The following PPEF2 variants were observed in gnomAD, a reference collection of about 807,000 sequenced individuals.
The protein encoded by PPEF2 is protein phosphatase with EF-hand domain 2, also known as serine/threonine-protein phosphatase with EF-hands 2.
Under a neutral mutation model 84.7 loss-of-function variants are expected in PPEF2, and 84 were observed. That is an observed-to-expected ratio of 0.99 (90% CI 0.83 to 1.19). The LOEUF is 1.19. Among genes scored for constraint, PPEF2 ranks in the 50% most tolerant of loss-of-function variants. The pLI is 0.00. For missense variants in PPEF2, 924 were observed against 937.5 expected, an observed-to-expected ratio of 0.99 and a Z score of 0.19; for synonymous variants, 346 against 345.2, an observed-to-expected ratio of 1.00 and a Z score of -0.03.
chr4:75,893,953 G>C (rs1258095470), intron 2 of PPEF2, among the ~76,000 whole-genome samples: 1 of 152,124 alleles, frequency 6.6e-6, no homozygotes, highest in African/African-American at 2.4e-5. Flanking sequence ...GGAAGTGCAG[G>C]ATCTTTTAAT....
rs747828589 is a variant in PPEF2, at chr4:75,884,761, CT to C, written c.580-2del. The stretch of plus-strand genomic sequence containing the variant: ...ACCGTTCTGGCGACGGGAGGCCATT[CT>C]TTTCAACAAGGAGACCAGTGAAAGA... On this transcript the variant is annotated splice_acceptor_variant, in intron 7 of 16. Coordinates refer to ENST00000286719, the MANE Select transcript of PPEF2 (RefSeq NM_006239.3). LOFTEE classifies it high-confidence loss of function. 2.5e-6 allele frequency: 4 copies of C among 1,574,670 alleles called. No individual in the cohort carries two copies. The South Asian group carries it at 4.7e-5, about 19-fold the overall frequency.
intron 15 of PPEF2, among the ~76,000 whole-genome samples, chr4:75,865,126 G>A (rs1047549734): frequency 9.2e-5 from 14 of 152,120 alleles, no homozygotes; most frequent in African/African-American, 2.9e-4. Context: ...TAGTAGAGAC[G>A]GGGTTTCTCC....
Position 75,873,293 on chromosome 4 carries a change from C to T in PPEF2, c.1340G>A (p.Ser447Asn). Reference sequence around the variant, plus strand: ...GCAGCCCTCTTGAGCCATGGGATCACTCCACAGGATATCTACAACCTGAGA... The same window carrying T: ...GCAGCCCTCTTGAGCCATGGGATCATTCCACAGGATATCTACAACCTGAGA... ...EWRQVVDILW[S>N]DPMAQEGCKA... Residue 447 changes from serine to asparagine, a missense_variant, in exon 12 of 17, where the codon AGT becomes AAT. Physicochemically the swap from Ser to Asn is conservative, Grantham distance 46. Transcript: ENST00000286719. 1 of 1,613,380 alleles carries T rather than the reference C, an allele frequency of 6.2e-7. No individual in the cohort carries two copies. The highest frequency in any genetic ancestry group is 1.1e-5 in the South Asian group (1 of 90,920).
intron 5 of PPEF2, 61 bp from the exon 6 acceptor site, chr4:75,888,389 TCCTTA>T: frequency 7.7e-7 from 1 of 1,300,596 alleles, no homozygotes. Context: ...GGGAAAATGG[TCCTTA>T]CCTTTACTGC....
intron 10 of PPEF2, among the ~76,000 whole-genome samples, chr4:75,880,504 C>T (rs1422765715): frequency 6.6e-6 from 1 of 152,208 alleles, no homozygotes; most frequent in Non-Finnish European, 1.5e-5. Context: ...AGAAAATAAA[C>T]TTTTCGTTAG....
intron 16 of PPEF2, among the ~76,000 whole-genome samples, chr4:75,861,688 C>T (rs1199047525): frequency 7.4e-6 from 1 of 135,796 alleles, no homozygotes; most frequent in East Asian, 3.0e-4. Flanking sequence ...CAGCTCACTA[C>T]AAGCTCTGCC....
At chr4:75,869,317 T>G (rs909046901) in intron 13 of PPEF2, among the ~76,000 whole-genome samples, 2 of 152,130 alleles carry the variant, frequency 1.3e-5, no homozygotes, top group African/African-American at 4.8e-5. Flanking sequence ...AATGCAGAGC[T>G]CTACATGGAT....
chr4:75,865,752 G>A (rs1724112145), intron 15 of PPEF2, among the ~76,000 whole-genome samples: 1 of 152,198 alleles, frequency 6.6e-6, no homozygotes, highest in Non-Finnish European at 1.5e-5. Context: ...ACTGTTAAAA[G>A]AAGTACCTAG....
chr4:75,867,398 C>A lies in PPEF2; in HGVS notation c.1671G>T (p.Ser557=). ...MRQRISRVEE[S]ALRALREKLF... ...GCTTCTCCCTCAGAGCTCTCAGAGC[C>A]GACTCCTCCACTCTGCTAATCCTGG... The change falls in exon 14 of 17, where the codon TCG becomes TCT. Residue 557 remains serine, a synonymous_variant. Transcript: ENST00000286719. 1 of 1,613,692 alleles carries A rather than the reference C, an allele frequency of 6.2e-7. No homozygotes were observed. Among genetic ancestry groups the A allele is most frequent in the Non-Finnish European group, 8.5e-7 (1 of 1,179,732 alleles).
At chr4:75,893,485 C>G (rs1172561997) in intron 2 of PPEF2, among the ~76,000 whole-genome samples, 1 of 89,778 alleles carries the variant, frequency 1.1e-5, no homozygotes, top group Non-Finnish European at 2.1e-5. Flanking sequence ...GCTAGAGACT[C>G]TGACACACAC....
Position 75,890,085 on chromosome 4 carries a change from A to T in PPEF2, c.289T>A (p.Ser97Thr), listed in dbSNP as rs1290381117. The T allele has an allele frequency of 3.1e-6, 5 of 1,613,974 alleles. No homozygotes were observed. The highest frequency in any genetic ancestry group is 4.2e-6 in the Non-Finnish European group (5 of 1,180,040). ...IFTEDRFAQD[S>T]EMKKCSDYES... is the part of the protein sequence containing the mutation. ...TAGTCACTGCATTTCTTCATCTCGG[A>T]GTCCTGGGCGAATCTGTCCTCAGTG... Residue 97 changes from serine to threonine, a missense_variant, in exon 5 of 17, where the codon TCC (serine) becomes ACC (threonine). By Grantham distance (58) the Ser-to-Thr change is moderately conservative. Transcript: ENST00000286719.
intron 4 of PPEF2, among the ~76,000 whole-genome samples, chr4:75,891,413 C>T (rs544641542): frequency 3.3e-5 from 5 of 152,248 alleles, no homozygotes; most frequent in Admixed American, 1.3e-4. Context: ...CTCCCTCCCA[C>T]CCCCAGGGTT....
In PPEF2 at chr4:75,884,620, G is replaced by T; in HGVS notation, c.720C>A (p.Asn240Lys). ...YPKEFHLNRGNHEDHMVNLRY... is the reference protein window; with the variant it reads ...YPKEFHLNRGKHEDHMVNLRY... The stretch of plus-strand genomic sequence containing the variant: ...GTAAGTTCACCATATGGTCCTCATG[G>T]TTTCCTCTGTTAAGATGGAACTCTT... The change falls in exon 8 of 17, where the codon AAC becomes AAA. Residue 240 changes from asparagine (N) to lysine (K), a missense_variant. Physicochemically the swap from Asn to Lys is moderately conservative, Grantham distance 94 (BLOSUM62 0). Coordinates refer to ENST00000286719, the MANE Select transcript of PPEF2 (RefSeq NM_006239.3). 6.2e-7 allele frequency: 1 copy of T among 1,609,468 alleles called. No homozygotes were observed. Among genetic ancestry groups the T allele is most frequent in the South Asian group, 1.1e-5 (1 of 89,874 alleles).
At position 75,876,575 on chromosome 4, in the gene PPEF2, G is replaced by C; in HGVS notation, c.1032C>G (p.Ile344Met). The stretch of plus-strand genomic sequence containing the variant: ...AGCGGCTTTCGGGGAGAAACCATGG[G>C]ATGGGTCCCTGTGCAGAGCTCTTCT... ...ANQKSSAQGP[I>M]PWFLPESRSL... The change falls in exon 11 of 17, where the codon ATC (isoleucine) becomes ATG (methionine). Residue 344 changes from isoleucine (I) to methionine (M), a missense_variant. Ile to Met is a conservative substitution (Grantham distance 10). Coordinates refer to ENST00000286719, the MANE Select transcript of PPEF2 (RefSeq NM_006239.3). 3 of 1,613,960 alleles carry C rather than the reference G, an allele frequency of 1.9e-6. No homozygotes were observed. Among genetic ancestry groups the C allele is most frequent in the Non-Finnish European group, 2.5e-6 (3 of 1,179,930 alleles).
intron 10 of PPEF2, among the ~76,000 whole-genome samples, chr4:75,877,987 C>G (rs560397709): frequency 6.6e-6 from 1 of 152,260 alleles, no homozygotes; most frequent in African/African-American, 2.4e-5. Context: ...TGTCATTCCA[C>G]AGATGCTAAA....
chr4:75,887,135 T>C (rs765960118), intron 6 of PPEF2, among the ~76,000 whole-genome samples: 8 of 152,240 alleles, frequency 5.3e-5, no homozygotes, highest in Non-Finnish European at 7.3e-5. Context: ...TACATTTTTA[T>C]TGAAGCAAAG....
At chr4:75,886,535 CA>C (rs1461141729) in intron 7 of PPEF2, among the ~76,000 whole-genome samples, 2 of 151,878 alleles carry the variant, frequency 1.3e-5, no homozygotes, top group Non-Finnish European at 2.9e-5. Flanking sequence ...GCCCTCGACA[CA>C]AGGGTTTGAA....
intron 2 of PPEF2, among the ~76,000 whole-genome samples, chr4:75,892,997 T>A (rs1403505066): frequency 6.6e-6 from 1 of 152,214 alleles, no homozygotes; most frequent in African/African-American, 2.4e-5. Context: ...TCGTTTGCAT[T>A]AGACAGATAA....
intron 11 of PPEF2, among the ~76,000 whole-genome samples, chr4:75,874,788 C>T (rs1476787369): frequency 5.3e-5 from 8 of 152,174 alleles, no homozygotes; most frequent in South Asian, 4.1e-4. Context: ...TCTCTTTCTC[C>T]GAGGCTTCTA....
Sources: allele counts gnomAD v4.1 joint callset (sites outside exome capture counted in the v4.1 genomes callset), GRCh38; gene constraint gnomAD v4.1.1; transcripts MANE v1.5; gene names NCBI Gene and HGNC (gene_info 2026-07-23, HGNC 2026-07-21).